RAB40B: variants seen among roughly 807,000 people sequenced by gnomAD.
RAB40B encodes the protein ras-related protein Rab-40B.
RAB40B carries 21 observed loss-of-function variants against 24.0 expected under a neutral mutation model. The observed-to-expected ratio is 0.88, with a 90% CI of 0.62 to 1.26. The LOEUF (loss-of-function observed/expected upper bound fraction) is 1.26. Among genes scored for constraint, RAB40B ranks in the 50% most tolerant of loss-of-function variants. The probability of loss-of-function intolerance (pLI) is 0.00; values close to 1 mark genes in which losing one functional copy is unlikely to be tolerated. For synonymous variants in RAB40B, 167 were observed against 169.8 expected, an observed-to-expected ratio of 0.98 and a Z score of 0.13; for missense variants, 348 against 390.5, an observed-to-expected ratio of 0.89 and a Z score of 0.92.
chr17:82,657,891 C>T lies in RAB40B; in HGVS notation c.809G>A (p.Cys270Tyr). 1 of 1,502,880 alleles carries T rather than the reference C, an allele frequency of 6.7e-7. No individual in the cohort carries two copies. The highest frequency in any genetic ancestry group is 2.3e-5 in the East Asian group (1 of 42,970). 93.1% of individuals were successfully genotyped at this position (1,502,880 alleles called of 1,614,324 possible). A position where few individuals can be genotyped will look rare whatever the true frequency, so the allele number is the denominator to read the frequency against. The change falls in exon 6 of 6, where the codon TGC (cysteine) becomes TAC (tyrosine). Residue 270 changes from cysteine to tyrosine, a missense_variant. This residue lies in a region of RAB40B where 121 missense variants were observed against 124.0 expected (regional missense o/e 0.98). Coordinates refer to ENST00000571995, the MANE Select transcript of RAB40B (RefSeq NM_006822.3). ...AGAAATTTTGCAGCTGTTTCTGGTG[C>T]AGTTTTTGGGGGGGCTCTGGGGGGG... ...VRPPQSPPKN[C>Y]TRNSCKIS is the part of the protein sequence containing the mutation.
chr17:82,674,681 A>G (rs1023160835), intron 1 of RAB40B, among the ~76,000 whole-genome samples: 8 of 152,014 alleles, frequency 5.3e-5, no homozygotes, highest in African/African-American at 1.9e-4. Context: ...AAAGCAACCT[A>G]AAACACCTGG....
Position 82,697,951 on chromosome 17 carries a change from G to C in RAB40B, c.142+504C>G, listed in dbSNP as rs1329194541. Among the ~76,000 whole-genome samples the C allele has an allele frequency of 6.6e-6, 1 of 151,642 alleles. No homozygotes were observed. The highest frequency in any genetic ancestry group is 1.5e-5 in the Non-Finnish European group (1 of 67,898). ...TGGTCTCCCCTCCCCTCCGACCCACGCGCAGACCCAGCACCTGGGCGCCTG... is the reference window on the plus strand; with the variant it reads ...TGGTCTCCCCTCCCCTCCGACCCACCCGCAGACCCAGCACCTGGGCGCCTG... On this transcript the variant is annotated intron_variant, in intron 1 of 5. Coordinates refer to ENST00000571995, the MANE Select transcript of RAB40B (RefSeq NM_006822.3). This position sits in a 1 kb window ranked among gnomAD's most constrained non-coding sequence, Gnocchi z 4.9.
In RAB40B at chr17:82,659,549, G is replaced by A. The variant is rs760786454; in HGVS notation, c.342+31C>T. 6 of 1,603,258 alleles carry A rather than the reference G, an allele frequency of 3.7e-6. No homozygotes were observed. In the East Asian group the frequency reaches 1.1e-4, roughly 30 times the overall value. ...CCTGACGTCCTCCCAAGCCTACAGG[G>A]ATCTTGGGCAGTGGCATTTCTACAA... On this transcript the variant is annotated intron_variant, in intron 4 of 5. Transcript: ENST00000571995.
chr17:82,666,704 T>C (rs1471910083), intron 1 of RAB40B, among the ~76,000 whole-genome samples: 3 of 151,978 alleles, frequency 2.0e-5, no homozygotes, highest in South Asian at 4.2e-4. Context: ...GGGTTTGAGT[T>C]AAGGGGCTGG....
intron 1 of RAB40B, among the ~76,000 whole-genome samples, chr17:82,676,917 C>T (rs1318214119): frequency 2.7e-5 from 4 of 150,668 alleles, no homozygotes; most frequent in Non-Finnish European, 5.9e-5. Flanking sequence ...TGAGCTACCG[C>T]GCCCGGCCGG....
Position 82,672,732 on chromosome 17 carries a change from A to T in RAB40B, c.143-8176T>A, listed in dbSNP as rs796205456. On this transcript the variant is annotated intron_variant, in intron 1 of 5. Transcript: ENST00000571995. The stretch of plus-strand genomic sequence containing the variant: ...GCAGCCCCTCAACCTTGGACTTCCC[A>T]GCCTCCAGAACTGTAAGAAATGCAT... Among the ~76,000 whole-genome samples, 16 of 152,362 alleles carry T rather than the reference A, an allele frequency of 1.1e-4. 1 individual carries two copies. Among genetic ancestry groups the T allele is most frequent in the African/African-American group, 3.8e-4 (16 of 41,580 alleles).
intron 1 of RAB40B, among the ~76,000 whole-genome samples, 175 bp downstream of exon 1, chr17:82,698,280 C>T (rs993919471): frequency 6.6e-6 from 1 of 151,754 alleles, no homozygotes; most frequent in African/African-American, 2.4e-5. Flanking sequence ...CCTCCTCAGC[C>T]CCGCGCCCCC....
In RAB40B at chr17:82,659,848, C is replaced by T. The variant is rs761611676; in HGVS notation, c.265-191G>A. On this transcript the variant is annotated intron_variant, in intron 3 of 5. Transcript: ENST00000571995. ...ATATTTCATAAGCTCAGTGATAAAC[C>T]CTCAAATGTCACGGTGATCTGGGGA... The T allele has an allele frequency of 8.9e-5, 51 of 573,694 alleles. 2 individuals are homozygous for T. The Middle Eastern group carries it at 3.4e-3, about 39-fold the overall frequency. The allele number at this position is 573,694 out of a possible 1,614,324, so 35.5% of individuals were successfully genotyped here.
chr17:82,690,642 A>G (rs562347386), intron 1 of RAB40B, among the ~76,000 whole-genome samples: 73 of 95,056 alleles, frequency 7.7e-4, no homozygotes, highest in Middle Eastern at 0.011. Context: ...GAGTGTGCAC[A>G]TGTGTTCCCG....
intron 3 of RAB40B, 83 bp downstream of exon 3, chr17:82,660,904 C>T: frequency 1.3e-6 from 2 of 1,497,850 alleles, no homozygotes; most frequent in Non-Finnish European, 1.8e-6. Flanking sequence ...TCCAATCATC[C>T]ATTAAAGGAT....
chr17:82,672,930 G>A (rs918480776), intron 1 of RAB40B, among the ~76,000 whole-genome samples: 27 of 152,096 alleles, frequency 1.8e-4, no homozygotes, highest in African/African-American at 6.5e-4. Context: ...TGTACCAGGC[G>A]TGATGGTTCA....
chr17:82,662,835 C>G (rs2046191612), intron 2 of RAB40B: 1 of 985,146 alleles, frequency 1.0e-6, no homozygotes, highest in Admixed American at 6.1e-5. Flanking sequence ...AGCAGCCAGA[C>G]CCGGGGTGGA....
chr17:82,677,736 C>G (rs113101651), intron 1 of RAB40B, among the ~76,000 whole-genome samples: 1 of 152,210 alleles, frequency 6.6e-6, no homozygotes, highest in East Asian at 1.9e-4. Flanking sequence ...ATCCTCTTTG[C>G]GCAGGACACT....
intron 1 of RAB40B, among the ~76,000 whole-genome samples, chr17:82,691,150 A>G (rs1024728587): frequency 6.6e-6 from 1 of 152,184 alleles, no homozygotes; most frequent in Non-Finnish European, 1.5e-5. Context: ...GGGCCTCACA[A>G]TATAACCTCT....
At chr17:82,672,180 T>C (rs1161121816) in intron 1 of RAB40B, among the ~76,000 whole-genome samples, 1 of 25,356 alleles carries the variant, frequency 3.9e-5, no homozygotes, top group East Asian at 1.2e-3. Flanking sequence ...TAACACACAC[T>C]CACATGCTCC....
At chr17:82,684,037 A>C (rs959089181) in intron 1 of RAB40B, among the ~76,000 whole-genome samples, 3 of 151,986 alleles carry the variant, frequency 2.0e-5, no homozygotes, top group African/African-American at 7.2e-5. Flanking sequence ...CCTGGCCAAC[A>C]TGGTGAAACC....
intron 1 of RAB40B, among the ~76,000 whole-genome samples, chr17:82,672,745 G>T (rs566117416): frequency 6.0e-4 from 92 of 152,334 alleles, no homozygotes; most frequent in African/African-American, 2.2e-3. Context: ...CTCCAGAACT[G>T]TAAGAAATGC....
chr17:82,665,427 A>AT (rs2046243162), intron 1 of RAB40B, among the ~76,000 whole-genome samples: 1 of 151,950 alleles, frequency 6.6e-6, no homozygotes, highest in African/African-American at 2.4e-5. Context: ...TAATTTTTGT[A>AT]TTTTTTTGTA....
At position 82,698,627 on chromosome 17, in the gene RAB40B, G is replaced by C. The variant is rs780397067; in HGVS notation, c.-31C>G. ...CGGCCCGGCGCCCCCACCCATGCCCGGCCTGCGGGGCTGAGCGCAGAGGCG... is the reference window on the plus strand; with the variant it reads ...CGGCCCGGCGCCCCCACCCATGCCCCGCCTGCGGGGCTGAGCGCAGAGGCG... On this transcript the variant is annotated 5_prime_UTR_variant, in exon 1 of 6. Coordinates refer to ENST00000571995, the MANE Select transcript of RAB40B (RefSeq NM_006822.3). 71 of 1,374,420 alleles carry C rather than the reference G, an allele frequency of 5.2e-5. No individual in the cohort carries two copies. Among genetic ancestry groups the C allele is most frequent in the Admixed American group, 2.4e-5 (1 of 41,094 alleles). 85.1% of individuals were successfully genotyped at this position (1,374,420 alleles called of 1,614,324 possible).
Sources: gnomAD v4.1 joint callset for allele counts (sites outside exome capture counted in the v4.1 genomes callset) on GRCh38, gnomAD v4.1.1 for gene constraint, gnomAD v4.1.1 regional missense constraint, Gnocchi (gnomAD v3.1) non-coding constraint, MANE v1.5 for transcripts, NCBI Gene and HGNC (gene_info 2026-07-23, HGNC 2026-07-21) for gene names.